The following DSCAM variants were observed in gnomAD, a reference collection of about 807,000 sequenced individuals.
DSCAM encodes cell adhesion molecule DSCAM.
Under a neutral mutation model 217.7 loss-of-function variants are expected in DSCAM, and 47 were observed. The observed-to-expected ratio is 0.22, with a 90% CI of 0.17 to 0.28. The LOEUF (loss-of-function observed/expected upper bound fraction) is 0.28. Among genes scored for constraint, DSCAM ranks in the 10% least tolerant of loss-of-function variants. The pLI, the probability that DSCAM is intolerant of heterozygous loss-of-function variation, is 1.00. For missense variants in DSCAM, 2,080 were observed against 2,618.3 expected (o/e 0.79, Z 4.49); for synonymous variants, 1,056 against 1,015.3 (o/e 1.04, Z -0.76).
In DSCAM at chr21:40,038,080, G is replaced by A. The variant is rs529970520; in HGVS notation, c.5686+4291C>T. Among the ~76,000 whole-genome samples, 9 of 151,766 alleles carry A rather than the reference G, an allele frequency of 5.9e-5. 1 individual carries two copies. In the South Asian group the frequency reaches 1.9e-3, roughly 32 times the overall value. On this transcript the variant is annotated intron_variant, in intron 32 of 32. Transcript: ENST00000400454. ...ATAAAAACCCTAGAAGAAAACCTAG[G>A]CATTACCATTCAGGACATAAGCATG...
At chr21:40,619,999 AAG>A (rs1198851139) in intron 3 of DSCAM, among the ~76,000 whole-genome samples, 4 of 118,890 alleles carry the variant, frequency 3.4e-5, no homozygotes, top group African/African-American at 6.9e-5. Flanking sequence ...GAGAGAGAGA[AAG>A]AGAGAGAAAA....
At chr21:40,447,116 T>C (rs1011508547) in intron 3 of DSCAM, among the ~76,000 whole-genome samples, 1 of 152,270 alleles carries the variant, frequency 6.6e-6, no homozygotes, top group African/African-American at 2.4e-5. Flanking sequence ...CAGGGGTCAC[T>C]GTAGGGAACC....
intron 3 of DSCAM, among the ~76,000 whole-genome samples, chr21:40,443,788 G>T: frequency 6.6e-6 from 1 of 152,134 alleles, no homozygotes; most frequent in East Asian, 1.9e-4. Context: ...CAGTTGTAGT[G>T]ATTACAAGTG....
intron 27 of DSCAM, among the ~76,000 whole-genome samples, chr21:40,067,402 G>A (rs1344106497): frequency 6.6e-6 from 1 of 152,138 alleles, no homozygotes; most frequent in African/African-American, 2.4e-5. Flanking sequence ...GAAAAATTTT[G>A]TTCAGAACCC....
At chr21:40,057,952 T>A (rs1292374183) in intron 28 of DSCAM, among the ~76,000 whole-genome samples, 2 of 143,202 alleles carry the variant, frequency 1.4e-5, no homozygotes, top group African/African-American at 5.3e-5. Flanking sequence ...CTCAGCTCAC[T>A]GCAAGCTCCG....
intron 3 of DSCAM, among the ~76,000 whole-genome samples, chr21:40,655,671 A>G (rs2090067124): frequency 6.6e-6 from 1 of 151,986 alleles, no homozygotes; most frequent in East Asian, 1.9e-4. Context: ...AATACTGGTC[A>G]TGAACTCCTG....
chr21:40,178,039 A>C (rs2090751753), intron 15 of DSCAM, among the ~76,000 whole-genome samples: 1 of 152,100 alleles, frequency 6.6e-6, no homozygotes, highest in African/African-American at 2.4e-5. Context: ...GGAGCTGGAC[A>C]CCCTTTCCCT....
chr21:40,338,298 C>T lies in DSCAM; in HGVS notation c.1586G>A (p.Gly529Asp), dbSNP rs1352741557. ...RDTYIHCRVI[G>D]YPYYSIKWYK... Reference sequence around the variant, plus strand: ...CCATTTAATGGAGTAATACGGATAGCCAATCACACGACAGTGAATGTATGT... The same window carrying T: ...CCATTTAATGGAGTAATACGGATAGTCAATCACACGACAGTGAATGTATGT... The change falls in exon 8 of 33, where the codon GGC (glycine) becomes GAC (aspartate). Residue 529 changes from glycine (G) to aspartate (D), a missense_variant. This residue lies in a region of DSCAM where 218 missense variants were observed against 364.1 expected (regional missense o/e 0.60). Coordinates refer to ENST00000400454, the MANE Select transcript of DSCAM (RefSeq NM_001389.5). 1 of 1,614,198 alleles carries T rather than the reference C, an allele frequency of 6.2e-7. No homozygotes were observed. Among genetic ancestry groups the T allele is most frequent in the Non-Finnish European group, 8.5e-7 (1 of 1,180,030 alleles).
At chr21:40,599,979 A>G (rs1196708062) in intron 3 of DSCAM, among the ~76,000 whole-genome samples, 1 of 152,162 alleles carries the variant, frequency 6.6e-6, no homozygotes, top group Admixed American at 6.5e-5. Flanking sequence ...CTACCAACCA[A>G]AAAAAGCCCA....
intron 11 of DSCAM, among the ~76,000 whole-genome samples, chr21:40,275,831 G>C (rs1368071373): frequency 6.6e-6 from 1 of 152,172 alleles, no homozygotes; most frequent in African/African-American, 2.4e-5. Context: ...CATACCAATG[G>C]CTGTGAGAAC....
rs1276558807 is a variant in DSCAM, at chr21:40,113,808, T to C, written c.3696+10387A>G. Among the ~76,000 whole-genome samples, 5 of 152,272 alleles carry C rather than the reference T, an allele frequency of 3.3e-5. No homozygotes were observed. The East Asian group carries it at 9.7e-4, about 29-fold the overall frequency. On this transcript the variant is annotated intron_variant, in intron 20 of 32. Coordinates refer to ENST00000400454, the MANE Select transcript of DSCAM (RefSeq NM_001389.5). ...GCCAAATCATGACTGAACTCCCATT[T>C]ACAACTGCTTCAAAGAGAATAAAAT...
intron 1 of DSCAM, among the ~76,000 whole-genome samples, chr21:40,801,147 T>G (rs1198113510): frequency 6.6e-6 from 1 of 151,982 alleles, no homozygotes; most frequent in Non-Finnish European, 1.5e-5. Context: ...GAGACAGGGT[T>G]TCACCATGTT....
chr21:40,342,405 A>G (rs1213897318), intron 6 of DSCAM, among the ~76,000 whole-genome samples: 1 of 151,708 alleles, frequency 6.6e-6, no homozygotes, highest in Non-Finnish European at 1.5e-5. Flanking sequence ...AGAAATCGTC[A>G]CCTATTCGCA....
chr21:40,677,792 G>A (rs1242330075), intron 3 of DSCAM, among the ~76,000 whole-genome samples: 3 of 152,010 alleles, frequency 2.0e-5, no homozygotes, highest in Non-Finnish European at 2.9e-5. Flanking sequence ...TCTGCCATGT[G>A]AGAAAATGAG....
intron 1 of DSCAM, among the ~76,000 whole-genome samples, chr21:40,836,214 G>T (rs2092054757): frequency 6.6e-6 from 1 of 152,210 alleles, no homozygotes; most frequent in Non-Finnish European, 1.5e-5. Flanking sequence ...CATGGTTACA[G>T]GCAGGTTTCA....
intron 3 of DSCAM, among the ~76,000 whole-genome samples, chr21:40,654,390 C>A (rs1878417402): frequency 6.6e-6 from 1 of 152,178 alleles, no homozygotes; most frequent in African/African-American, 2.4e-5. Flanking sequence ...TTGATGTCAG[C>A]ACATGGCACA....
At chr21:40,292,219 GT>G (rs2073901936) in intron 10 of DSCAM, among the ~76,000 whole-genome samples, 3 of 74,694 alleles carry the variant, frequency 4.0e-5, no homozygotes, top group Non-Finnish European at 8.1e-5. Flanking sequence ...AGCAAAGATT[GT>G]TTCATTTCTA....
chr21:40,124,525 T>C lies in DSCAM; in HGVS notation c.3563-197A>G, dbSNP rs1242862940. On this transcript the variant is annotated intron_variant, in intron 19 of 32. Coordinates refer to ENST00000400454, the MANE Select transcript of DSCAM (RefSeq NM_001389.5). The stretch of plus-strand genomic sequence containing the variant: ...CACAGAATGACACTGTAATTGGAGG[T>C]AGGGTCTTTACAGAGGTAATCAAGT... 1.3e-5 allele frequency among the ~76,000 whole-genome samples: 2 copies of C among 151,892 alleles called. 1 individual carries two copies. Among genetic ancestry groups the C allele is most frequent in the Admixed American group, 1.3e-4 (2 of 15,252 alleles).
At chr21:40,724,284 A>G (rs565609251) in intron 1 of DSCAM, among the ~76,000 whole-genome samples, 2 of 152,356 alleles carry the variant, frequency 1.3e-5, no homozygotes, top group South Asian at 4.1e-4. Flanking sequence ...AAGCACATGA[A>G]TAAACCAAAA....
Sources: allele counts gnomAD v4.1 joint callset (sites outside exome capture counted in the v4.1 genomes callset), GRCh38; gene constraint gnomAD v4.1.1; regional missense constraint gnomAD v4.1.1; transcripts MANE v1.5; gene names NCBI Gene and HGNC (gene_info 2026-07-23, HGNC 2026-07-21).